Variants in LAPTM4B observed in about 807,000 individuals in gnomAD.
LAPTM4B encodes the protein lysosomal protein transmembrane 4 beta, also known as lysosomal-associated transmembrane protein 4B.
A neutral mutation model predicts 28.5 loss-of-function variants in LAPTM4B; 26 were observed. That is an observed-to-expected ratio of 0.91 (90% confidence interval 0.67 to 1.27). The LOEUF (loss-of-function observed/expected upper bound fraction) is 1.27, where lower values mean the gene tolerates loss of function less well. Ranked by LOEUF, LAPTM4B falls within the 50% of genes most tolerant of loss-of-function variation. The pLI, the probability that LAPTM4B is intolerant of heterozygous loss-of-function variation, is 0.00. For synonymous variants in LAPTM4B, 109 were observed against 106.4 expected, an observed-to-expected ratio of 1.02 and a Z score of -0.15; for missense variants, 288 against 285.8, an observed-to-expected ratio of 1.01 and a Z score of -0.06.
chr8:97,821,162 CCT>C (rs1816996088), intron 5 of LAPTM4B, among the ~76,000 whole-genome samples: 1 of 124,148 alleles, frequency 8.1e-6, no homozygotes, highest in Non-Finnish European at 1.8e-5. Flanking sequence ...ATGGTGAAAC[CCT>C]GTCTCTATAA....
At chr8:97,816,296 G>T in intron 4 of LAPTM4B, 116 bp downstream of exon 4, 1 of 1,032,742 alleles carries the variant, frequency 9.7e-7, no homozygotes, top group Non-Finnish European at 1.4e-6. Flanking sequence ...GCTTGCAGCT[G>T]AGTTACTCAT....
Position 97,812,630 on chromosome 8 carries a change from T to C in LAPTM4B, c.212-2698T>C, listed in dbSNP as rs75854916. Among the ~76,000 whole-genome samples, 928 of 152,304 alleles carry C rather than the reference T, an allele frequency of 6.1e-3. 7 individuals are homozygous for C. Among genetic ancestry groups the C allele is most frequent in the African/African-American group, 0.021 (873 of 41,550 alleles). On this transcript the variant is annotated intron_variant, in intron 2 of 6. Coordinates refer to ENST00000521545, the MANE Select transcript of LAPTM4B (RefSeq NM_018407.6). ...GCCATTTTACTATTCTTCTCTAGAA[T>C]TGAAGAATGGATGGAAAGCCATGGT...
chr8:97,822,538 T>TATG (rs1275624847), intron 5 of LAPTM4B, among the ~76,000 whole-genome samples: 2 of 131,686 alleles, frequency 1.5e-5, no homozygotes, highest in East Asian at 9.1e-4. Context: ...TTTTATTTAT[T>TATG]TATTTATTTA....
At chr8:97,827,927 TAG>T (rs1324376754) in intron 6 of LAPTM4B, among the ~76,000 whole-genome samples, 3 of 151,856 alleles carry the variant, frequency 2.0e-5, no homozygotes, top group Non-Finnish European at 4.4e-5. Flanking sequence ...TCAGTTAGGG[TAG>T]AGTCTGTTAC....
intron 1 of LAPTM4B, among the ~76,000 whole-genome samples, chr8:97,800,482 CTCT>C (rs1563606198): frequency 4.3e-5 from 5 of 116,952 alleles, no homozygotes; most frequent in African/African-American, 8.5e-5. Context: ...ACCCCTTGAC[CTCT>C]TTTTTTTTTT....
At chr8:97,800,611 C>G (rs1816659847) in intron 1 of LAPTM4B, among the ~76,000 whole-genome samples, 1 of 150,956 alleles carries the variant, frequency 6.6e-6, no homozygotes, top group South Asian at 2.1e-4. Flanking sequence ...ATTCTCCTGC[C>G]TCAGCTTCCG....
chr8:97,796,398 G>A (rs1816584257), intron 1 of LAPTM4B, among the ~76,000 whole-genome samples: 1 of 152,066 alleles, frequency 6.6e-6, no homozygotes, highest in African/African-American at 2.4e-5. Flanking sequence ...GTGCTTGTCC[G>A]GATCCTTGAA....
rs1275370579 is a variant in LAPTM4B at position 97,839,095 on chromosome 8, C to T, written c.604-12302C>T. On this transcript the variant is annotated intron_variant, in intron 6 of 6. Coordinates refer to ENST00000521545, the MANE Select transcript of LAPTM4B (RefSeq NM_018407.6). ...TGAGATTTTTCTCCCAAAACCTTTT[C>T]CTTGGCTGTAATTCTGAGGTTCAGG... 3.3e-5 allele frequency among the ~76,000 whole-genome samples: 5 copies of T among 152,290 alleles called. No homozygotes were observed. In the South Asian group the frequency reaches 8.3e-4, roughly 25 times the overall value.
intron 2 of LAPTM4B, among the ~76,000 whole-genome samples, chr8:97,808,013 G>A (rs1264656398): frequency 6.6e-6 from 1 of 151,900 alleles, no homozygotes; most frequent in Non-Finnish European, 1.5e-5. Flanking sequence ...TAGAGATGGG[G>A]TTTCGCCATG....
chr8:97,808,197 C>T (rs1426100333), intron 2 of LAPTM4B, among the ~76,000 whole-genome samples: 3 of 151,792 alleles, frequency 2.0e-5, no homozygotes, highest in African/African-American at 7.3e-5. Flanking sequence ...CCTGTAATTC[C>T]AGCACTTTGG....
chr8:97,793,642 A>T (rs936970088), intron 1 of LAPTM4B, among the ~76,000 whole-genome samples: 4 of 152,206 alleles, frequency 2.6e-5, no homozygotes, highest in Non-Finnish European at 2.9e-5. Flanking sequence ...TGTACATGGA[A>T]ATACCACCAT....
chr8:97,830,457 A>G (rs1455901312), intron 6 of LAPTM4B, among the ~76,000 whole-genome samples: 1 of 152,194 alleles, frequency 6.6e-6, no homozygotes, highest in Non-Finnish European at 1.5e-5. Flanking sequence ...AAAGCAGGGC[A>G]TTTAGAAGTA....
chr8:97,832,695 T>A (rs1221499339), intron 6 of LAPTM4B, among the ~76,000 whole-genome samples: 1 of 99,616 alleles, frequency 1.0e-5, no homozygotes, highest in African/African-American at 3.3e-5. Context: ...TATTTTATTT[T>A]ATTTTATTTT....
intron 6 of LAPTM4B, among the ~76,000 whole-genome samples, chr8:97,842,234 T>C (rs1004957318): frequency 2.6e-5 from 4 of 152,054 alleles, no homozygotes; most frequent in Non-Finnish European, 4.4e-5. Context: ...CATTTTTCTT[T>C]TGAATTTTTT....
At chr8:97,809,565 T>C (rs1816797815) in intron 2 of LAPTM4B, among the ~76,000 whole-genome samples, 1 of 152,114 alleles carries the variant, frequency 6.6e-6, no homozygotes, top group Non-Finnish European at 1.5e-5. Context: ...TCGGGTGTGA[T>C]GGTGCGTACC....
intron 1 of LAPTM4B, among the ~76,000 whole-genome samples, chr8:97,789,499 C>G (rs1816464582): frequency 6.6e-6 from 1 of 151,582 alleles, no homozygotes; most frequent in Non-Finnish European, 1.5e-5. Flanking sequence ...TAGGTGGAAC[C>G]TGACATACCC....
Position 97,828,753 on chromosome 8 carries a change from A to T in LAPTM4B, c.603+3600A>T, listed in dbSNP as rs149075117. ...GGACAGAAAGTGAGTTATATCGGTA[A>T]GGCTAGCGGAGAAGTCATTGGAGAG... On this transcript the variant is annotated intron_variant, in intron 6 of 6. Transcript: ENST00000521545. 2.2e-4 allele frequency among the ~76,000 whole-genome samples: 33 copies of T among 152,318 alleles called. No individual in the cohort carries two copies. The East Asian group carries it at 4.8e-3, about 22-fold the overall frequency.
Position 97,776,033 on chromosome 8 carries a change from G to A in LAPTM4B, c.24G>A (p.Thr8=). 1 of 1,581,120 alleles carries A rather than the reference G, an allele frequency of 6.3e-7. No individual in the cohort carries two copies. Among genetic ancestry groups the A allele is most frequent in the Non-Finnish European group, 8.6e-7 (1 of 1,168,042 alleles). The part of the protein sequence containing the change: MKMVAPW[T]RFYSNSCCLC... The stretch of plus-strand genomic sequence containing the variant: ...CGATGAAGATGGTCGCGCCCTGGAC[G>A]CGGTTCTACTCCAACAGCTGCTGCT... The change falls in exon 1 of 7, where the codon ACG becomes ACA. Residue 8 remains threonine (T), a synonymous_variant. Transcript: ENST00000521545.
At chr8:97,788,406 G>T in intron 1 of LAPTM4B, 1 of 252,348 alleles carries the variant, frequency 4.0e-6, no homozygotes, top group South Asian at 5.3e-5. Context: ...GAGAAAGGAA[G>T]AGATAACTAA....
Sources: allele counts gnomAD v4.1 joint callset (sites outside exome capture counted in the v4.1 genomes callset), GRCh38; gene constraint gnomAD v4.1.1; transcripts MANE v1.5; gene names NCBI Gene and HGNC (gene_info 2026-07-23, HGNC 2026-07-21).